IRF5: variants seen among roughly 807,000 people sequenced by gnomAD.
The protein encoded by IRF5 is interferon regulatory factor 5.
IRF5 carries 24 observed loss-of-function variants against 55.1 expected under a neutral mutation model. The ratio of observed to expected loss-of-function variants is 0.44; its 90% CI spans 0.32 to 0.61. The LOEUF is 0.61. Ranked by LOEUF, IRF5 falls within the 20% of genes least tolerant of loss-of-function variation. IRF5 has a pLI of 0.07. For missense variants in IRF5, 499 were observed against 658.5 expected (o/e 0.76, Z 2.65); for synonymous variants, 258 against 260.2 (o/e 0.99, Z 0.08).
In IRF5 at chr7:128,948,374, G is replaced by A; in HGVS notation, c.1299+46G>A. On this transcript the variant is annotated intron_variant, in intron 8 of 8. Coordinates refer to ENST00000357234, the MANE Select transcript of IRF5 (RefSeq NM_001098629.3). The surrounding 1 kb of genome is among the most constrained non-coding windows in gnomAD (Gnocchi z 4.6). ...AGTCGGCCTTGGCTTGAAAACTGGG[G>A]AATCCTGGGGCTAGGCCCTTGCCCC... is the stretch of plus-strand genomic sequence containing the variant. The A allele has an allele frequency of 6.6e-7, 1 of 1,517,782 alleles. No homozygotes were observed. Among genetic ancestry groups the A allele is most frequent in the Non-Finnish European group, 8.9e-7 (1 of 1,122,570 alleles). 94.0% of individuals were successfully genotyped at this position (1,517,782 alleles called of 1,614,324 possible). A position where few individuals can be genotyped will look rare whatever the true frequency, so the allele number is the denominator to read the frequency against.
chr7:128,939,885 C>G (rs945540999), intron 1 of IRF5, among the ~76,000 whole-genome samples: 1 of 152,244 alleles, frequency 6.6e-6, no homozygotes, highest in Non-Finnish European at 1.5e-5. Flanking sequence ...ACTCCGGAGC[C>G]TGGCAGGCAG....
intron 2 of IRF5, among the ~76,000 whole-genome samples, 155 bp downstream of exon 2, chr7:128,942,431 G>A (rs6975315): frequency 0.046 from 6,995 of 151,766 alleles, 298 homozygotes; most frequent in African/African-American, 0.11. Flanking sequence ...GGATGCAGAC[G>A]TAGACACAGG....
In IRF5 at chr7:128,946,261, G is replaced by T. The variant is rs1272483731; in HGVS notation, c.385+227G>T. ...TTGGCGTGCAGTCAGGGACCTGGGT[G>T]CTTCTTCCTTACCATTGCCCTCGTT... On this transcript the variant is annotated intron_variant, in intron 3 of 8. Coordinates refer to ENST00000357234, the MANE Select transcript of IRF5 (RefSeq NM_001098629.3). The surrounding 1 kb of genome is among the most constrained non-coding windows in gnomAD (Gnocchi z 4.2). 2.0e-5 allele frequency among the ~76,000 whole-genome samples: 3 copies of T among 152,238 alleles called. No individual in the cohort carries two copies. Among genetic ancestry groups the T allele is most frequent in the African/African-American group, 7.2e-5 (3 of 41,464 alleles).
At position 128,948,943 on chromosome 7, in the gene IRF5, G is replaced by T; in HGVS notation, c.*125G>T. 1 of 1,231,728 alleles carries T rather than the reference G, an allele frequency of 8.1e-7. No individual in the cohort carries two copies. Among genetic ancestry groups the T allele is most frequent in the Non-Finnish European group, 1.1e-6 (1 of 899,484 alleles). The allele number at this position is 1,231,728 out of a possible 1,614,324, so 76.3% of individuals were successfully genotyped here. The stretch of plus-strand genomic sequence containing the variant: ...CCTACCTCTGGGTTTCCTGGAAGTG[G>T]ATTTGGGCCAAGAAGGAGAGGGAGA... On this transcript the variant is annotated 3_prime_UTR_variant, in exon 9 of 9. Coordinates refer to ENST00000357234, the MANE Select transcript of IRF5 (RefSeq NM_001098629.3). The surrounding 1 kb of genome is among the most constrained non-coding windows in gnomAD (Gnocchi z 4.6).
In IRF5 at chr7:128,947,305, A is replaced by G. The variant is rs566635242; in HGVS notation, c.557A>G (p.Gln186Arg). The change falls in exon 6 of 9, where the codon CAG (glutamine) becomes CGG (arginine). Residue 186 changes from glutamine (Q) to arginine (R), a missense_variant. Physicochemically the swap from Gln to Arg is conservative, Grantham distance 43. Around this residue, in one of 2 missense-constraint regions of IRF5, gnomAD observed 305 missense variants for 340.2 expected, o/e 0.90. Coordinates refer to ENST00000357234, the MANE Select transcript of IRF5 (RefSeq NM_001098629.3). This position sits in a 1 kb window ranked among gnomAD's most constrained non-coding sequence, Gnocchi z 6.5. Reference protein sequence around the residue: ...KEDVKWPPTLQPPTLRPPTLQ... With the variant: ...KEDVKWPPTLRPPTLRPPTLQ... ...GATGTCAAGTGGCCGCCCACTCTGCAGCCGCCCACTCTGCGGCCGCCTACT... is the reference window on the plus strand; with the variant it reads ...GATGTCAAGTGGCCGCCCACTCTGCGGCCGCCCACTCTGCGGCCGCCTACT... The G allele has an allele frequency of 2.6e-5, 11 of 417,074 alleles. No individual in the cohort carries two copies. The highest frequency in any genetic ancestry group is 2.5e-4 in the East Asian group (3 of 12,178). 25.8% of individuals were successfully genotyped at this position (417,074 alleles called of 1,614,324 possible). A position where few individuals can be genotyped will look rare whatever the true frequency, so the allele number is the denominator to read the frequency against.
chr7:128,943,486 A>C (rs1796140961), intron 2 of IRF5, among the ~76,000 whole-genome samples: 1 of 148,978 alleles, frequency 6.7e-6, no homozygotes, highest in Non-Finnish European at 1.5e-5. Context: ...GTGATCCTCC[A>C]GTCTCAGCTT....
Position 128,946,658 on chromosome 7 carries a change from C to G in IRF5, c.447+96C>G. 1 of 810,696 alleles carries G rather than the reference C, an allele frequency of 1.2e-6. No individual in the cohort carries two copies. Among genetic ancestry groups the G allele is most frequent in the Non-Finnish European group, 2.1e-6 (1 of 485,430 alleles). 50.2% of individuals were successfully genotyped at this position (810,696 alleles called of 1,614,324 possible). A position where few individuals can be genotyped will look rare whatever the true frequency, so the allele number is the denominator to read the frequency against. ...CCGCAGCCCCACTCCCATGGAGCCC[C>G]GTGGCCCTCTCAATAGTTCTCCTTG... On this transcript the variant is annotated intron_variant, in intron 4 of 8. Coordinates refer to ENST00000357234, the MANE Select transcript of IRF5 (RefSeq NM_001098629.3). This position sits in a 1 kb window ranked among gnomAD's most constrained non-coding sequence, Gnocchi z 4.2.
intron 2 of IRF5, chr7:128,943,243 C>A: frequency 5.4e-6 from 1 of 185,408 alleles, no homozygotes; most frequent in Non-Finnish European, 1.2e-5. Flanking sequence ...GTTGCCCAGG[C>A]TGGTCTTGAA....
chr7:128,945,881 G>A lies in IRF5; in HGVS notation c.232G>A (p.Val78Met), dbSNP rs775591029. 5.6e-6 allele frequency: 9 copies of A among 1,613,054 alleles called. No individual in the cohort carries two copies. Among genetic ancestry groups the A allele is most frequent in the Admixed American group, 1.7e-5 (1 of 59,706 alleles). ...GGAGACAGGGAAATACACCGAAGGC[G>A]TGGATGAAGCCGATCCGGCCAAGTG... Reference protein sequence around the residue: ...AKETGKYTEGVDEADPAKWKA... With the variant: ...AKETGKYTEGMDEADPAKWKA... Residue 78 changes from valine (V) to methionine (M), a missense_variant, in exon 3 of 9, where the codon GTG becomes ATG. This residue lies in a region of IRF5 where 305 missense variants were observed against 340.2 expected (regional missense o/e 0.90). Transcript: ENST00000357234.
Position 128,948,211 on chromosome 7 carries a change from G to A in IRF5, c.1182G>A (p.Glu394=), listed in dbSNP as rs1210447901. ...CTAGGGACCTTGATTTTGATGCAGA[G>A]CTCATCCTGTTCCAAAAGGGCCAGA... ...KLFSLEHFLN[E]LILFQKGQTN... Residue 394 remains glutamate (E), a splice_region_variant and synonymous_variant, in exon 8 of 9, where the codon GAG becomes GAA. Transcript: ENST00000357234. The surrounding 1 kb of genome is among the most constrained non-coding windows in gnomAD (Gnocchi z 4.6). The A allele has an allele frequency of 9.9e-6, 16 of 1,612,728 alleles. No homozygotes were observed. Among genetic ancestry groups the A allele is most frequent in the Non-Finnish European group, 1.3e-5 (15 of 1,179,418 alleles).
intron 1 of IRF5, chr7:128,941,456 A>C (rs1206460556): frequency 6.6e-6 from 1 of 152,260 alleles, no homozygotes; most frequent in African/African-American, 2.4e-5. Context: ...GATTTCTCTA[A>C]AGATATTGAG....
Position 128,947,123 on chromosome 7 carries a change from G to T in IRF5, c.481+67G>T. The T allele has an allele frequency of 6.2e-7, 1 of 1,613,578 alleles. No individual in the cohort carries two copies. The highest frequency in any genetic ancestry group is 1.1e-5 in the South Asian group (1 of 91,058). On this transcript the variant is annotated intron_variant, in intron 5 of 8. Coordinates refer to ENST00000357234, the MANE Select transcript of IRF5 (RefSeq NM_001098629.3). This position sits in a 1 kb window ranked among gnomAD's most constrained non-coding sequence, Gnocchi z 6.5. Reference sequence around the variant, plus strand: ...AAGCTATAGGTACCATAGGTACCTGGAAGGGGGCTGATGGGAGGCTAGGGT... The same window carrying T: ...AAGCTATAGGTACCATAGGTACCTGTAAGGGGGCTGATGGGAGGCTAGGGT...
At chr7:128,944,307 T>A (rs906197164) in intron 2 of IRF5, among the ~76,000 whole-genome samples, 1 of 152,218 alleles carries the variant, frequency 6.6e-6, no homozygotes, top group African/African-American at 2.4e-5. Flanking sequence ...CATTGTCATG[T>A]AGGCTGTCTT....
rs775538341 is a variant in IRF5 at position 128,947,915 on chromosome 7, A to G, written c.974A>G (p.Lys325Arg). The change falls in exon 7 of 9, where the codon AAG (lysine) becomes AGG (arginine). Residue 325 changes from lysine (K) to arginine (R), a missense_variant. By Grantham distance (26) the Lys-to-Arg change is conservative. Around this residue, in one of 2 missense-constraint regions of IRF5, gnomAD observed 194 missense variants for 318.3 expected, o/e 0.61. Transcript: ENST00000357234. The surrounding 1 kb of genome is among the most constrained non-coding windows in gnomAD (Gnocchi z 6.5). ...AGCCCTGAGGACATCCCCAGTGACA[A>G]GCAGCGCTTCTACACGAACCAGCTG... ...FPSPEDIPSD[K>R]QRFYTNQLLD... 6.2e-7 allele frequency: 1 copy of G among 1,614,084 alleles called. No individual in the cohort carries two copies.
intron 2 of IRF5, among the ~76,000 whole-genome samples, chr7:128,943,707 A>ATTTTTTTTTTTTTTTT (rs61451031): frequency 4.2e-5 from 3 of 71,928 alleles, no homozygotes; most frequent in Admixed American, 2.2e-4. Flanking sequence ...TGCCCGGCTA[A>ATTTTTTTTTTTTTTTT]TTTTTTTTTT....
chr7:128,938,143 G>T (rs891665935), intron 1 of IRF5, 94 bp downstream of exon 1: 4 of 152,212 alleles, frequency 2.6e-5, no homozygotes, highest in African/African-American at 9.7e-5. Context: ...CCCAAGTCTA[G>T]GCCTAGACTG....
At chr7:128,937,388 T>C (rs1322243877), upstream of IRF5, among the ~76,000 whole-genome samples, 1 of 152,128 alleles carries the variant, frequency 6.6e-6, no homozygotes, top group African/African-American at 2.4e-5. Flanking sequence ...CCGCTGCCCC[T>C]GGGATGACTG....
Position 128,948,128 on chromosome 7 carries a change from G to T in IRF5, c.1180+7G>T. 6.2e-7 allele frequency: 1 copy of T among 1,613,086 alleles called. No individual in the cohort carries two copies. Among genetic ancestry groups the T allele is most frequent in the East Asian group, 2.2e-5 (1 of 44,834 alleles). On this transcript the variant is annotated splice_region_variant and intron_variant, in intron 7 of 8. Transcript: ENST00000357234. This position sits in a 1 kb window ranked among gnomAD's most constrained non-coding sequence, Gnocchi z 4.6. ...CTGGAGCATTTTCTCAATGGTGAGG[G>T]CCCAAAGCTGTGATCCTCCTGGCTG...
At chr7:128,944,799 C>T (rs2128961958) in intron 2 of IRF5, among the ~76,000 whole-genome samples, 1 of 152,194 alleles carries the variant, frequency 6.6e-6, no homozygotes, top group Non-Finnish European at 1.5e-5. Flanking sequence ...TTTTTTTGTG[C>T]TGCCCAGTAT....
Sources: allele counts gnomAD v4.1 joint callset (sites outside exome capture counted in the v4.1 genomes callset), GRCh38; gene constraint gnomAD v4.1.1; regional missense constraint gnomAD v4.1.1; non-coding constraint Gnocchi (gnomAD v3.1); transcripts MANE v1.5; gene names NCBI Gene and HGNC (gene_info 2026-07-23, HGNC 2026-07-21).